GNAO1: variants seen among roughly 807,000 people sequenced by gnomAD.
The protein encoded by GNAO1 is guanine nucleotide-binding protein G(o) subunit alpha.
For missense variants in GNAO1, 166 were observed against 478.7 expected, an observed-to-expected ratio of 0.35 and a Z score of 6.10; for synonymous variants, 164 against 180.7, an observed-to-expected ratio of 0.91 and a Z score of 0.74.
chr16:56,342,644 T>C (rs1331075664), intron 6 of GNAO1, among the ~76,000 whole-genome samples: 1 of 152,232 alleles, frequency 6.6e-6, no homozygotes, highest in African/African-American at 2.4e-5. Flanking sequence ...TATAGGCTTC[T>C]TCTCCCATCT....
intron 3 of GNAO1, among the ~76,000 whole-genome samples, chr16:56,279,078 C>T (rs1333202812): frequency 1.3e-5 from 2 of 151,998 alleles, no homozygotes; most frequent in African/African-American, 4.8e-5. Flanking sequence ...TGCCACCCAC[C>T]ACCACTCATC....
chr16:56,284,100 C>T (rs1440290072), intron 3 of GNAO1, among the ~76,000 whole-genome samples: 2 of 152,166 alleles, frequency 1.3e-5, no homozygotes, highest in African/African-American at 4.8e-5. Flanking sequence ...TCAATCATTC[C>T]ACAAATACTT....
chr16:56,289,063 A>G (rs1052263897), intron 3 of GNAO1, among the ~76,000 whole-genome samples: 7 of 152,148 alleles, frequency 4.6e-5, no homozygotes, highest in African/African-American at 1.7e-4. Context: ...AGAGAAAAAA[A>G]CACAGTTTCA....
chr16:56,209,407 C>T (rs981643725), intron 2 of GNAO1, among the ~76,000 whole-genome samples: 3 of 152,144 alleles, frequency 2.0e-5, no homozygotes, highest in Non-Finnish European at 4.4e-5. Flanking sequence ...ATCCCACTCC[C>T]CTTGGTCTTC....
In GNAO1 at chr16:56,311,324, TG is replaced by T. The variant is rs1289930561; in HGVS notation, c.304-17305del. Among the ~76,000 whole-genome samples the T allele has an allele frequency of 4.6e-5, 7 of 152,022 alleles. No individual in the cohort carries two copies. The highest frequency in any genetic ancestry group is 1.5e-4 in the African/African-American group (6 of 41,374). ...TCAGAGAGTGAGTGCCAACCTGAGC[TG>T]GTTCCCCCTGCCCCCACTGGGTTAG... is the stretch of plus-strand genomic sequence containing the variant. On this transcript the variant is annotated intron_variant, in intron 3 of 8. Transcript: ENST00000262493. This position sits in a 1 kb window ranked among gnomAD's most constrained non-coding sequence, Gnocchi z 5.2.
At chr16:56,266,012 A>G (rs2036949992) in intron 2 of GNAO1, among the ~76,000 whole-genome samples, 1 of 152,002 alleles carries the variant, frequency 6.6e-6, no homozygotes. Context: ...CCTCACCAAT[A>G]TGCAAGGCCC....
intron 2 of GNAO1, among the ~76,000 whole-genome samples, chr16:56,246,505 A>G (rs1376950121): frequency 7.8e-6 from 1 of 128,124 alleles, no homozygotes; most frequent in African/African-American, 3.0e-5. Flanking sequence ...CTGGACGATC[A>G]AGTTCAGTGT....
At chr16:56,265,960 G>A (rs1010108489) in intron 2 of GNAO1, among the ~76,000 whole-genome samples, 11 of 152,028 alleles carry the variant, frequency 7.2e-5, no homozygotes, top group East Asian at 3.9e-4. Context: ...AAGGTGCCCC[G>A]GGGCCTTTGC....
At chr16:56,206,156 A>C (rs1433642936) in intron 2 of GNAO1, among the ~76,000 whole-genome samples, 1 of 151,936 alleles carries the variant, frequency 6.6e-6, no homozygotes, top group Non-Finnish European at 1.5e-5. Context: ...TCGTCTTTAC[A>C]AAAAATACAA....
At chr16:56,306,567 C>T (rs1400699634) in intron 3 of GNAO1, among the ~76,000 whole-genome samples, 1 of 152,178 alleles carries the variant, frequency 6.6e-6, no homozygotes, top group Non-Finnish European at 1.5e-5. Flanking sequence ...GCTGAGGTGC[C>T]TGCAGACACA....
At chr16:56,226,117 G>C (rs1384004480) in intron 2 of GNAO1, among the ~76,000 whole-genome samples, 1 of 152,158 alleles carries the variant, frequency 6.6e-6, no homozygotes, top group Non-Finnish European at 1.5e-5. Context: ...TGGCTGCTGT[G>C]TGGAGGACGG....
chr16:56,315,502 T>G (rs2037499069), intron 3 of GNAO1, among the ~76,000 whole-genome samples: 1 of 152,172 alleles, frequency 6.6e-6, no homozygotes, highest in Non-Finnish European at 1.5e-5. Context: ...AGTGCCTGCT[T>G]GGTGGTGCAG....
At chr16:56,221,553 G>A (rs1482623261) in intron 2 of GNAO1, among the ~76,000 whole-genome samples, 2 of 151,520 alleles carry the variant, frequency 1.3e-5, no homozygotes, top group Non-Finnish European at 2.9e-5. Context: ...AGGAGGCTGA[G>A]GCAGGAGAAT....
intron 2 of GNAO1, among the ~76,000 whole-genome samples, chr16:56,264,726 G>A (rs1391954564): frequency 6.7e-6 from 1 of 148,952 alleles, no homozygotes; most frequent in African/African-American, 2.5e-5. Flanking sequence ...TTTTAATATA[G>A]TATTAAAAAT....
At chr16:56,300,536 T>C (rs2037334775) in intron 3 of GNAO1, 1 of 152,156 alleles carries the variant, frequency 6.6e-6, no homozygotes, top group Non-Finnish European at 1.5e-5. Context: ...TTTAAACAGA[T>C]TAGAATGCTA....
At chr16:56,290,723 G>T (rs1403336265) in intron 3 of GNAO1, among the ~76,000 whole-genome samples, 4 of 152,090 alleles carry the variant, frequency 2.6e-5, no homozygotes, top group Admixed American at 2.6e-4. Context: ...TCCACTCCTG[G>T]AACCCGGCCC....
Position 56,191,834 on chromosome 16 carries a change from C to G in GNAO1, c.-402C>G. The G allele has an allele frequency of 4.3e-6, 1 of 234,328 alleles. No individual in the cohort carries two copies. Among genetic ancestry groups the G allele is most frequent in the Non-Finnish European group, 8.4e-6 (1 of 119,572 alleles). The allele number at this position is 234,328 out of a possible 1,614,324, so 14.5% of individuals were successfully genotyped here. On this transcript the variant is annotated 5_prime_UTR_variant, in exon 1 of 9. Coordinates refer to ENST00000262493, the MANE Select transcript of GNAO1 (RefSeq NM_020988.3). The surrounding 1 kb of genome is among the most constrained non-coding windows in gnomAD (Gnocchi z 4.7). ...GGCAGCCGCGGCAGCAGGACCCACCCTGCCCCCCACCCCACCCTCTGTCGG... is the reference window on the plus strand; with the variant it reads ...GGCAGCCGCGGCAGCAGGACCCACCGTGCCCCCCACCCCACCCTCTGTCGG...
chr16:56,193,899 A>T (rs2036205616), intron 2 of GNAO1: 1 of 358,770 alleles, frequency 2.8e-6, no homozygotes, highest in African/African-American at 2.1e-5. Flanking sequence ...CTGTGCAGTA[A>T]ACAAAAATGA....
chr16:56,202,303 G>A (rs1339977753), intron 2 of GNAO1, among the ~76,000 whole-genome samples: 1 of 152,198 alleles, frequency 6.6e-6, no homozygotes, highest in African/African-American at 2.4e-5. Flanking sequence ...CAATAGACTG[G>A]TGGGAGAAAA....
Sources: gnomAD v4.1 joint callset for allele counts (sites outside exome capture counted in the v4.1 genomes callset) on GRCh38, gnomAD v4.1.1 for gene constraint, Gnocchi (gnomAD v3.1) non-coding constraint, MANE v1.5 for transcripts, NCBI Gene and HGNC (gene_info 2026-07-23, HGNC 2026-07-21) for gene names.